Variants in EDN1 observed in about 807,000 individuals in gnomAD.
The protein encoded by EDN1 is endothelin 1.
EDN1 carries 11 observed loss-of-function variants against 21.7 expected under a neutral mutation model. The ratio of observed to expected loss-of-function variants is 0.51; its 90% CI spans 0.32 to 0.84. EDN1 has a LOEUF of 0.84. Ranked by LOEUF, EDN1 falls within the 40% of genes least tolerant of loss-of-function variation. EDN1 has a pLI of 0.03. For synonymous variants in EDN1, 85 were observed against 90.6 expected (o/e 0.94, Z 0.35); for missense variants, 244 against 262.3 (o/e 0.93, Z 0.48).
intron 2 of EDN1, among the ~76,000 whole-genome samples, chr6:12,293,182 C>G (rs1344089894): frequency 6.6e-6 from 1 of 152,224 alleles, no homozygotes; most frequent in Non-Finnish European, 1.5e-5. Context: ...CAGTCATAAA[C>G]AAGCACACAT....
chr6:12,280,289 T>C, the EDN1 span, among the ~76,000 whole-genome samples: 1 of 152,208 alleles, frequency 6.6e-6, no homozygotes, highest in East Asian at 1.9e-4. Flanking sequence ...TTTTCCAGTA[T>C]TGATGTAACT....
At chr6:12,289,405 A>G (rs538501706), upstream of EDN1, among the ~76,000 whole-genome samples, 128 of 152,194 alleles carry the variant, frequency 8.4e-4, no homozygotes, top group African/African-American at 2.5e-3. Context: ...TATGTTAGGC[A>G]ACATTCCTTG....
chr6:12,262,509 G>A, the EDN1 span, among the ~76,000 whole-genome samples: 7 of 152,190 alleles, frequency 4.6e-5, no homozygotes, highest in Admixed American at 3.9e-4. Flanking sequence ...TCGAGGAAGA[G>A]TGAGAGTAAA....
At chr6:12,262,871 TAA>T in the EDN1 span, among the ~76,000 whole-genome samples, 34 of 132,178 alleles carry the variant, frequency 2.6e-4, no homozygotes, top group African/African-American at 4.5e-4. Context: ...AAACCCTGTT[TAA>T]AAAAAAAAAA....
the EDN1 span, among the ~76,000 whole-genome samples, chr6:12,278,891 C>T: frequency 4.6e-5 from 7 of 151,712 alleles, no homozygotes; most frequent in African/African-American, 1.5e-4. Context: ...AGCGAGATTC[C>T]GTAAAAAAAA....
intron 1 of EDN1, among the ~76,000 whole-genome samples, chr6:12,291,618 G>C (rs1322323418): frequency 2.0e-5 from 3 of 152,354 alleles, no homozygotes; most frequent in Admixed American, 2.0e-4. Context: ...AGTGGAGAAG[G>C]GGGAGGCAGT....
At chr6:12,273,592 T>C in the EDN1 span, among the ~76,000 whole-genome samples, 1 of 150,018 alleles carries the variant, frequency 6.7e-6, no homozygotes, top group Non-Finnish European at 1.5e-5. Context: ...TGCACTAGAA[T>C]TGTAGGCAGG....
At chr6:12,241,465 C>T in the EDN1 span, among the ~76,000 whole-genome samples, 8 of 152,058 alleles carry the variant, frequency 5.3e-5, no homozygotes, top group African/African-American at 1.9e-4. Flanking sequence ...TATAAGCAGG[C>T]ATCTTTGGAG....
chr6:12,295,458 T>A (rs1762799322), intron 4 of EDN1, among the ~76,000 whole-genome samples: 1 of 152,144 alleles, frequency 6.6e-6, no homozygotes, highest in Non-Finnish European at 1.5e-5. Context: ...CCCTCTGTAT[T>A]TCTCCTGTAA....
the EDN1 span, among the ~76,000 whole-genome samples, chr6:12,236,773 T>C: frequency 6.6e-6 from 1 of 150,912 alleles, no homozygotes; most frequent in Non-Finnish European, 1.5e-5. Context: ...TATTTCTTTT[T>C]TTTTTTTTGT....
chr6:12,263,519 C>T, the EDN1 span, among the ~76,000 whole-genome samples: 1 of 152,114 alleles, frequency 6.6e-6, no homozygotes, highest in Non-Finnish European at 1.5e-5. Context: ...ATAAACTAGC[C>T]CCACCAGTTT....
At chr6:12,294,226 A>G (rs1762765736) in intron 3 of EDN1, 35 bp from the exon 4 acceptor site, 1 of 1,613,966 alleles carries the variant, frequency 6.2e-7, no homozygotes, top group African/African-American at 1.3e-5. Context: ...TGAATATAAC[A>G]TTGCTGAAAT....
upstream of EDN1, among the ~76,000 whole-genome samples, chr6:12,289,504 AG>A (rs762155584): frequency 6.6e-6 from 1 of 152,102 alleles, no homozygotes; most frequent in Non-Finnish European, 1.5e-5. Flanking sequence ...CAGCCCCTGT[AG>A]CTCTTCATCT....
chr6:12,290,836 A>G (rs1762660597), intron 1 of EDN1, 143 bp downstream of exon 1: 5 of 754,874 alleles, frequency 6.6e-6, no homozygotes, highest in Admixed American at 2.1e-5. Context: ...TTATTGCTGA[A>G]AGCTACTTTA....
At chr6:12,254,114 G>A in the EDN1 span, among the ~76,000 whole-genome samples, 1 of 152,006 alleles carries the variant, frequency 6.6e-6, no homozygotes, top group Non-Finnish European at 1.5e-5. Context: ...AAACACCTTT[G>A]GCATCCCATT....
the EDN1 span, among the ~76,000 whole-genome samples, chr6:12,246,800 C>G: frequency 1.3e-5 from 2 of 152,094 alleles, no homozygotes; most frequent in Non-Finnish European, 2.9e-5. Flanking sequence ...GTAACACTCT[C>G]ATCCGTTAGT....
At chr6:12,268,707 G>T in the EDN1 span, among the ~76,000 whole-genome samples, 2 of 152,060 alleles carry the variant, frequency 1.3e-5, no homozygotes, top group Non-Finnish European at 2.9e-5. Context: ...ATGCTGTTTT[G>T]GTTACTATAG....
chr6:12,236,490 C>A, the EDN1 span, among the ~76,000 whole-genome samples: 1 of 152,080 alleles, frequency 6.6e-6, no homozygotes, highest in Non-Finnish European at 1.5e-5. Flanking sequence ...AAACTCCTGA[C>A]CTCAGGTGAT....
At chr6:12,284,668 G>GAGAA in the EDN1 span, among the ~76,000 whole-genome samples, 27,489 of 137,508 alleles carry the variant, frequency 0.2, 3,065 homozygotes, top group South Asian at 0.3. Context: ...AAGAAAAAGA[G>GAGAA]AGAAAGAAAG....
Sources: gnomAD v4.1 joint callset for allele counts (sites outside exome capture counted in the v4.1 genomes callset) on GRCh38, gnomAD v4.1.1 for gene constraint, MANE v1.5 for transcripts, NCBI Gene and HGNC (gene_info 2026-07-23, HGNC 2026-07-21) for gene names.